NKAIN3: variants seen among roughly 807,000 people sequenced by gnomAD.
The protein encoded by NKAIN3 is sodium/potassium-transporting ATPase subunit beta-1-interacting protein 3.
A neutral mutation model predicts 30.2 loss-of-function variants in NKAIN3; 25 were observed. The observed-to-expected ratio is 0.83, with a 90% confidence interval of 0.60 to 1.16. The LOEUF is 1.16. Ranked by LOEUF, NKAIN3 falls within the 50% of genes most tolerant of loss-of-function variation. NKAIN3 has a pLI of 0.00. For synonymous variants in NKAIN3, 91 were observed against 89.6 expected, an observed-to-expected ratio of 1.02 and a Z score of -0.09; for missense variants, 225 against 254.1, an observed-to-expected ratio of 0.89 and a Z score of 0.78.
intron 1 of NKAIN3, among the ~76,000 whole-genome samples, chr8:62,257,200 A>G (rs193220498): frequency 6.6e-6 from 1 of 152,288 alleles, no homozygotes; most frequent in East Asian, 1.9e-4. Context: ...TAGAGTCCTT[A>G]TGTTTGTAAC....
chr8:62,827,765 C>A (rs1819071158), intron 4 of NKAIN3, among the ~76,000 whole-genome samples: 1 of 152,062 alleles, frequency 6.6e-6, no homozygotes, highest in South Asian at 2.1e-4. Context: ...TCAGCTTCAA[C>A]CATTGGCAAT....
chr8:62,447,606 G>C (rs572773288), intron 1 of NKAIN3, among the ~76,000 whole-genome samples: 2 of 152,040 alleles, frequency 1.3e-5, no homozygotes, highest in African/African-American at 4.8e-5. Context: ...TTCTTTCTCT[G>C]ACATAGGTCC....
Position 62,977,763 on chromosome 8 carries a change from A to T in NKAIN3, c.*12356A>T, listed in dbSNP as rs1437006895. ...CAGTATTGTTCCCTTGCTGGTAAGG[A>T]GTTGTGATCCTTTGGAGGAGAAGAG... is the stretch of plus-strand genomic sequence containing the variant. On this transcript the variant is annotated 3_prime_UTR_variant, in exon 7 of 7. Transcript: ENST00000623646. 6.6e-6 allele frequency: 1 copy of T among 151,884 alleles called. No individual in the cohort carries two copies. Among genetic ancestry groups the T allele is most frequent in the African/African-American group, 2.4e-5 (1 of 41,324 alleles). 9.4% of individuals were successfully genotyped at this position (151,884 alleles called of 1,614,324 possible).
At chr8:62,538,956 G>A (rs10104556) in intron 1 of NKAIN3, among the ~76,000 whole-genome samples, 4,939 of 151,986 alleles carry the variant, frequency 0.032, 221 homozygotes, top group African/African-American at 0.11. Context: ...TTAAATAATT[G>A]CCTGTTTGTT....
intron 4 of NKAIN3, among the ~76,000 whole-genome samples, chr8:62,803,394 C>A (rs998881704): frequency 6.6e-6 from 1 of 152,060 alleles, no homozygotes; most frequent in Non-Finnish European, 1.5e-5. Flanking sequence ...TGTAAAAAAA[C>A]AGATATTATA....
At chr8:62,667,361 G>GTATATATATATAAATATATATATA (rs1813152730) in intron 3 of NKAIN3, among the ~76,000 whole-genome samples, 1 of 137,060 alleles carries the variant, frequency 7.3e-6, no homozygotes, top group African/African-American at 2.9e-5. Flanking sequence ...ATATATATCT[G>GTATATATATATAAATATATATATA]TATATATATA....
intron 1 of NKAIN3, among the ~76,000 whole-genome samples, chr8:62,254,194 G>C (rs1031468910): frequency 1.6e-5 from 2 of 124,740 alleles, no homozygotes; most frequent in Non-Finnish European, 3.5e-5. Context: ...GTGTGTGTGT[G>C]TGTGTGTAGG....
chr8:62,592,631 C>T (rs1264294772), intron 3 of NKAIN3, among the ~76,000 whole-genome samples: 1 of 151,768 alleles, frequency 6.6e-6, no homozygotes, highest in Non-Finnish European at 1.5e-5. Flanking sequence ...TGTAAATAGA[C>T]CAAGCACTCC....
intron 4 of NKAIN3, among the ~76,000 whole-genome samples, chr8:62,900,980 C>T (rs1821597970): frequency 6.6e-6 from 1 of 152,132 alleles, no homozygotes; most frequent in Non-Finnish European, 1.5e-5. Context: ...GATCCCCCAA[C>T]TGTCAGATGG....
chr8:62,946,326 C>T (rs573821510), intron 5 of NKAIN3, among the ~76,000 whole-genome samples: 13 of 152,228 alleles, frequency 8.5e-5, no homozygotes, highest in Non-Finnish European at 1.5e-4. Context: ...GCCTTGGTGG[C>T]CACTAGGTAT....
chr8:62,755,274 C>G (rs1816413954), intron 4 of NKAIN3, among the ~76,000 whole-genome samples: 1 of 152,208 alleles, frequency 6.6e-6, no homozygotes, highest in African/African-American at 2.4e-5. Context: ...CTCCTTGCAA[C>G]ACCTTGCAGG....
In NKAIN3 at chr8:62,672,393, G is replaced by A. The variant is rs1042574475; in HGVS notation, c.274-74539G>A. Among the ~76,000 whole-genome samples, 9 of 152,268 alleles carry A rather than the reference G, an allele frequency of 5.9e-5. No individual in the cohort carries two copies. In the East Asian group the frequency reaches 1.7e-3, roughly 29 times the overall value. Reference sequence around the variant, plus strand: ...ACTAATCCTCACTAACAGGACTTATGAGACTCTGATGTAGAACTCAAAAAG... The same window carrying A: ...ACTAATCCTCACTAACAGGACTTATAAGACTCTGATGTAGAACTCAAAAAG... On this transcript the variant is annotated intron_variant, in intron 3 of 6. Coordinates refer to ENST00000623646, the MANE Select transcript of NKAIN3 (RefSeq NM_001304533.3).
chr8:62,864,114 C>T (rs1018039878), intron 4 of NKAIN3: 27 of 629,402 alleles, frequency 4.3e-5, no homozygotes, highest in Non-Finnish European at 6.8e-5. Flanking sequence ...ACAGGGGCTT[C>T]GCGGAGGTGA....
chr8:62,306,577 T>TGTGTGTGTGTGTGTGTTG (rs369616688), intron 1 of NKAIN3, among the ~76,000 whole-genome samples: 85 of 123,756 alleles, frequency 6.9e-4, no homozygotes, highest in African/African-American at 2.6e-3. Context: ...TGTGTGTGTG[T>TGTGTGTGTGTGTGTGTTG]TGTGTGTGTG....
intron 1 of NKAIN3, among the ~76,000 whole-genome samples, chr8:62,497,351 C>T (rs557452731): frequency 9.9e-5 from 15 of 151,670 alleles, no homozygotes; most frequent in East Asian, 3.9e-4. Flanking sequence ...TATATACTGT[C>T]TTATCAGTAG....
At chr8:62,303,191 A>G (rs896112193) in intron 1 of NKAIN3, among the ~76,000 whole-genome samples, 11 of 150,458 alleles carry the variant, frequency 7.3e-5, no homozygotes, top group Non-Finnish European at 1.3e-4. Context: ...TGAATTGGTG[A>G]CAATTAAAAT....
intron 3 of NKAIN3, among the ~76,000 whole-genome samples, chr8:62,727,398 A>C (rs1255205005): frequency 1.3e-5 from 2 of 152,142 alleles, no homozygotes; most frequent in African/African-American, 4.8e-5. Flanking sequence ...TTGGAAAGGA[A>C]GAAATAAAAC....
intron 3 of NKAIN3, among the ~76,000 whole-genome samples, chr8:62,591,031 A>G (rs1343706134): frequency 6.6e-6 from 1 of 152,012 alleles, no homozygotes; most frequent in African/African-American, 2.4e-5. Context: ...AATTCAGATT[A>G]TGAAGTAATT....
chr8:62,866,678 A>G (rs1820424952), intron 4 of NKAIN3, among the ~76,000 whole-genome samples: 1 of 152,176 alleles, frequency 6.6e-6, no homozygotes, highest in Non-Finnish European at 1.5e-5. Context: ...ATGCCTTTGC[A>G]ATAACTAGAT....
Sources: gnomAD v4.1 joint callset for allele counts (sites outside exome capture counted in the v4.1 genomes callset) on GRCh38, gnomAD v4.1.1 for gene constraint, MANE v1.5 for transcripts, NCBI Gene and HGNC (gene_info 2026-07-23, HGNC 2026-07-21) for gene names.